The following TAB3 variants were observed in gnomAD, a reference collection of about 807,000 sequenced individuals.
TAB3 encodes the protein TGF-beta-activated kinase 1 and MAP3K7-binding protein 3.
A neutral mutation model predicts 48.1 loss-of-function variants in TAB3; 18 were observed. The observed-to-expected ratio is 0.37, with a 90% CI of 0.26 to 0.55. The LOEUF (loss-of-function observed/expected upper bound fraction) is 0.55. Among genes scored for constraint, TAB3 ranks in the 20% least tolerant of loss-of-function variants. The probability of loss-of-function intolerance (pLI) is 0.78; values close to 1 mark genes in which losing one functional copy is unlikely to be tolerated. For synonymous variants in TAB3, 185 were observed against 190.2 expected (o/e 0.97, Z 0.22); for missense variants, 414 against 549.8 (o/e 0.75, Z 2.47).
At chrX:30,838,091 G>A (rs1938296283) in intron 9 of TAB3, among the ~76,000 whole-genome samples, 1 of 111,556 alleles carries the variant, frequency 9.0e-6, no homozygotes, top group African/African-American at 3.3e-5. Context: ...AAGTCCTGAA[G>A]TTGGTTAGTC....
At chrX:30,882,253 C>G (rs1171628545) in intron 1 of TAB3, among the ~76,000 whole-genome samples, 2 of 112,087 alleles carry the variant, frequency 1.8e-5, no homozygotes, top group Non-Finnish European at 3.8e-5. Flanking sequence ...TGAAATTATA[C>G]TAACTTAATT....
chrX:30,831,246 GA>G lies in TAB3; in HGVS notation c.*180del. The G allele has an allele frequency of 7.4e-5, 32 of 432,383 alleles. No homozygotes were observed. The highest frequency in any genetic ancestry group is 2.0e-4 in the South Asian group (3 of 14,979). 35.6% of individuals were successfully genotyped at this position (432,383 alleles called of 1,213,427 possible). A position where few individuals can be genotyped will look rare whatever the true frequency, so the allele number is the denominator to read the frequency against. On this transcript the variant is annotated 3_prime_UTR_variant, in exon 11 of 11. Transcript: ENST00000288422. ...CACTCTGTAGTGAGTTAAGAAAGGAGAAAAAAAAGACCTCCCCATTTTTCCT... is the reference window on the plus strand; with the variant it reads ...CACTCTGTAGTGAGTTAAGAAAGGAGAAAAAAAGACCTCCCCATTTTTCCT...
intron 9 of TAB3, among the ~76,000 whole-genome samples, chrX:30,837,461 T>C (rs1419571335): frequency 1.8e-5 from 2 of 112,087 alleles, no homozygotes; most frequent in African/African-American, 6.5e-5. Context: ...TTCCTTGATA[T>C]TTCTTTTTTC....
intron 4 of TAB3, among the ~76,000 whole-genome samples, chrX:30,861,252 T>C (rs766112253): frequency 8.9e-6 from 1 of 111,734 alleles, no homozygotes; most frequent in African/African-American, 3.2e-5. Context: ...TGAATCAATT[T>C]CACTATACTA....
rs766385385 is a variant in TAB3 at position 30,853,662 on chromosome X, C to T, written c.1549+454G>A. ...ACAAAGTCTATACATGACTCTGAAG[C>T]ACTAACTTTATTCTTTTTGTTTGTT... is the stretch of plus-strand genomic sequence containing the variant. On this transcript the variant is annotated intron_variant, in intron 6 of 10. Transcript: ENST00000288422. Among the ~76,000 whole-genome samples the T allele has an allele frequency of 8.9e-5, 10 of 112,371 alleles. No individual in the cohort carries two copies. The East Asian group carries it at 2.8e-3, about 31-fold the overall frequency.
chrX:30,871,254 T>C (rs1939655363), intron 2 of TAB3, among the ~76,000 whole-genome samples: 1 of 112,069 alleles, frequency 8.9e-6, no homozygotes, highest in Non-Finnish European at 1.9e-5. Context: ...TAACATGGAT[T>C]TGAGAATAAG....
chrX:30,875,503 A>G (rs1294120077), intron 1 of TAB3, among the ~76,000 whole-genome samples: 1 of 110,914 alleles, frequency 9.0e-6, no homozygotes, highest in Non-Finnish European at 1.9e-5. Flanking sequence ...TCACAAGGGC[A>G]GATATATATT....
At chrX:30,863,409 G>T (rs1939308625) in intron 4 of TAB3, among the ~76,000 whole-genome samples, 1 of 112,052 alleles carries the variant, frequency 8.9e-6, no homozygotes, top group South Asian at 3.7e-4. Context: ...ATACAGTTTG[G>T]ATGTTTGTCC....
At chrX:30,870,567 T>C (rs992399291) in intron 2 of TAB3, among the ~76,000 whole-genome samples, 1 of 112,225 alleles carries the variant, frequency 8.9e-6, no homozygotes, top group Non-Finnish European at 1.9e-5. Context: ...TGAGGAAAGC[T>C]TCAGGGAAGA....
At chrX:30,881,018 T>C (rs760274329) in intron 1 of TAB3, among the ~76,000 whole-genome samples, 16 of 111,454 alleles carry the variant, frequency 1.4e-4, no homozygotes, top group Middle Eastern at 4.7e-3. Flanking sequence ...CAATAATATA[T>C]AATGATCTAT....
chrX:30,872,400 A>G (rs926378945), intron 1 of TAB3, among the ~76,000 whole-genome samples: 7 of 111,213 alleles, frequency 6.3e-5, no homozygotes, highest in African/African-American at 2.3e-4. Context: ...CTGCCACCCT[A>G]CCTTTTCTCA....
chrX:30,852,735 A>G (rs774920069), intron 7 of TAB3, 43 bp downstream of exon 7: 2 of 1,132,488 alleles, frequency 1.8e-6, no homozygotes, highest in African/African-American at 1.8e-5. Context: ...CTGACAGCCA[A>G]TATCCCGACC....
chrX:30,885,637 C>T (rs768965713), intron 1 of TAB3, among the ~76,000 whole-genome samples: 2 of 111,412 alleles, frequency 1.8e-5, no homozygotes, highest in Non-Finnish European at 3.8e-5. Flanking sequence ...GGAAACAGTG[C>T]GAAGATGGCG....
intron 9 of TAB3, 133 bp downstream of exon 9, chrX:30,842,827 AAAAAAT>A (rs1225720052): frequency 2.2e-5 from 9 of 411,369 alleles, no homozygotes; most frequent in South Asian, 5.5e-5. Flanking sequence ...CCCTGTCTCA[AAAAAAT>A]AAAAATAATA....
intron 1 of TAB3, among the ~76,000 whole-genome samples, chrX:30,880,011 C>A (rs1431962890): frequency 9.0e-6 from 1 of 111,557 alleles, no homozygotes; most frequent in Non-Finnish European, 1.9e-5. Flanking sequence ...CGGAGAAAAT[C>A]ACAACCATTA....
intron 1 of TAB3, among the ~76,000 whole-genome samples, chrX:30,875,699 T>C: frequency 8.9e-6 from 1 of 112,442 alleles, no homozygotes. Flanking sequence ...AACCTGTCCA[T>C]TGTCAAGGTC....
At chrX:30,839,563 G>A (rs1163723099) in intron 9 of TAB3, among the ~76,000 whole-genome samples, 2 of 110,887 alleles carry the variant, frequency 1.8e-5, no homozygotes, top group African/African-American at 6.6e-5. Context: ...AACACCAACA[G>A]TGAACCCTAA....
chrX:30,887,552 T>C (rs1046080245), intron 1 of TAB3, among the ~76,000 whole-genome samples: 4 of 112,826 alleles, frequency 3.5e-5, no homozygotes, highest in Non-Finnish European at 5.6e-5. Context: ...CTACATGAGT[T>C]TGAGTTCTAG....
intron 4 of TAB3, among the ~76,000 whole-genome samples, chrX:30,860,409 T>TTAA: frequency 9.0e-6 from 1 of 111,704 alleles, no homozygotes; most frequent in East Asian, 2.8e-4. Flanking sequence ...GGGGAAAAAT[T>TTAA]TAATTATACA....
Sources: gnomAD v4.1 joint callset for allele counts (sites outside exome capture counted in the v4.1 genomes callset) on GRCh38, gnomAD v4.1.1 for gene constraint, MANE v1.5 for transcripts, NCBI Gene and HGNC (gene_info 2026-07-23, HGNC 2026-07-21) for gene names.